CADPS: variants seen among roughly 807,000 people sequenced by gnomAD.
CADPS encodes the protein calcium dependent secretion activator, also known as calcium-dependent secretion activator 1.
Under a neutral mutation model 167.3 loss-of-function variants are expected in CADPS, and 57 were observed. The ratio of observed to expected loss-of-function variants is 0.34; its 90% CI spans 0.28 to 0.42. The LOEUF is 0.42. Among genes scored for constraint, CADPS ranks in the 20% least tolerant of loss-of-function variants. The pLI, the probability that CADPS is intolerant of heterozygous loss-of-function variation, is 1.00. For missense variants in CADPS, 1,414 were observed against 1,738.1 expected (o/e 0.81, Z 3.32); for synonymous variants, 676 against 635.3 (o/e 1.06, Z -0.96).
intron 6 of CADPS, among the ~76,000 whole-genome samples, chr3:62,628,675 G>A (rs1267199919): frequency 2.7e-5 from 4 of 148,142 alleles, no homozygotes; most frequent in Non-Finnish European, 4.4e-5. Context: ...TCACCAGGCT[G>A]TAGTGCAGTA....
At chr3:62,612,460 G>GTGT (rs1364101535) in intron 6 of CADPS, among the ~76,000 whole-genome samples, 1 of 152,220 alleles carries the variant, frequency 6.6e-6, no homozygotes, top group Non-Finnish European at 1.5e-5. Context: ...CTCTACCAGA[G>GTGT]TGTTGCCACT....
intron 3 of CADPS, among the ~76,000 whole-genome samples, chr3:62,730,904 A>G (rs570094659): frequency 6.6e-6 from 1 of 152,242 alleles, no homozygotes; most frequent in Non-Finnish European, 1.5e-5. Flanking sequence ...TGACAGTCCA[A>G]TAACTGTTAG....
intron 3 of CADPS, among the ~76,000 whole-genome samples, chr3:62,662,794 T>C (rs1295551076): frequency 2.0e-5 from 3 of 152,156 alleles, no homozygotes; most frequent in African/African-American, 4.8e-5. Context: ...ATATCCCCAG[T>C]GCACACATGG....
At chr3:62,558,487 G>C (rs1465568009) in intron 9 of CADPS, among the ~76,000 whole-genome samples, 2 of 152,256 alleles carry the variant, frequency 1.3e-5, no homozygotes, top group Non-Finnish European at 2.9e-5. Flanking sequence ...AAATGTCTTA[G>C]AGAAGGAGTG....
At chr3:62,540,058 A>G (rs1295435074) in intron 11 of CADPS, among the ~76,000 whole-genome samples, 1 of 152,212 alleles carries the variant, frequency 6.6e-6, no homozygotes, top group Non-Finnish European at 1.5e-5. Flanking sequence ...TAAGGGCTCA[A>G]TAAACATTAG....
intron 2 of CADPS, among the ~76,000 whole-genome samples, chr3:62,759,353 T>C (rs948550451): frequency 6.6e-6 from 1 of 152,184 alleles, no homozygotes; most frequent in Non-Finnish European, 1.5e-5. Flanking sequence ...AAGTTAGCTG[T>C]TATTTTTAAA....
At chr3:62,691,029 C>T (rs188684503) in intron 3 of CADPS, among the ~76,000 whole-genome samples, 4 of 152,098 alleles carry the variant, frequency 2.6e-5, no homozygotes, top group South Asian at 4.2e-4. Context: ...GAAAAGATGT[C>T]GAGGAAGCTT....
rs747913353 is a variant in CADPS at position 62,478,277 on chromosome 3, C to T, written c.3313G>A (p.Glu1105Lys). The change falls in exon 23 of 30, where the codon GAA (glutamate) becomes AAA (lysine). Residue 1105 changes from glutamate (E) to lysine (K), a missense_variant. Physicochemically the swap from Glu to Lys is moderately conservative, Grantham distance 56 (BLOSUM62 1). Around this residue, in one of 6 missense-constraint regions of CADPS, gnomAD observed 529 missense variants for 629.6 expected, o/e 0.84. Coordinates refer to ENST00000383710, the MANE Select transcript of CADPS (RefSeq NM_003716.4). The surrounding 1 kb of genome is among the most constrained non-coding windows in gnomAD (Gnocchi z 5.7). ...RLKLMASDMIESCVKRTRIAF... is the reference protein window; with the variant it reads ...RLKLMASDMIKSCVKRTRIAF... ...TATACTTACCTTTTGACACAAGATT[C>T]GATCATGTCACTTGCCATCAACTTC... is the stretch of plus-strand genomic sequence containing the variant. 6.8e-6 allele frequency: 11 copies of T among 1,613,610 alleles called. No individual in the cohort carries two copies. Among genetic ancestry groups the T allele is most frequent in the Admixed American group, 1.7e-5 (1 of 59,986 alleles).
chr3:62,551,534 C>G (rs1429644362), intron 10 of CADPS, among the ~76,000 whole-genome samples: 1 of 152,174 alleles, frequency 6.6e-6, no homozygotes. Context: ...GCACTAGAGT[C>G]AGGTCCTGTC....
intron 6 of CADPS, among the ~76,000 whole-genome samples, chr3:62,599,879 A>T (rs1203847956): frequency 1.8e-5 from 1 of 55,580 alleles, no homozygotes; most frequent in Non-Finnish European, 3.0e-5. Context: ...ATAATATATA[A>T]TATATATATA....
intron 5 of CADPS, among the ~76,000 whole-genome samples, chr3:62,647,681 A>G (rs1025580832): frequency 1.3e-5 from 2 of 152,186 alleles, no homozygotes; most frequent in African/African-American, 4.8e-5. Flanking sequence ...ATTGGGAAGA[A>G]CCATATAAAT....
chr3:62,530,314 G>A (rs1029697144), intron 13 of CADPS, among the ~76,000 whole-genome samples: 2 of 152,026 alleles, frequency 1.3e-5, no homozygotes, highest in Non-Finnish European at 2.9e-5. Context: ...TAAAGCATGG[G>A]TTGCTTATTA....
At chr3:62,590,736 T>G (rs562449681) in intron 7 of CADPS, among the ~76,000 whole-genome samples, 4 of 152,254 alleles carry the variant, frequency 2.6e-5, no homozygotes, top group African/African-American at 9.6e-5. Flanking sequence ...GGTCTCTCAT[T>G]ATGCTATAGA....
chr3:62,650,054 CTT>C (rs1230489356), intron 5 of CADPS, among the ~76,000 whole-genome samples: 7 of 152,180 alleles, frequency 4.6e-5, no homozygotes, highest in African/African-American at 1.7e-4. Flanking sequence ...ACAGTCAAAT[CTT>C]TGTGCAGACA....
At position 62,458,933 on chromosome 3, in the gene CADPS, T is replaced by A. The variant is rs1011269494; in HGVS notation, c.3636+6434A>T. ...TAGTTAACTTTGGATACTTATCTTT[T>A]CTCTTCTGTAAAGCTTCTGAAGGGT... On this transcript the variant is annotated intron_variant, in intron 26 of 29. Coordinates refer to ENST00000383710, the MANE Select transcript of CADPS (RefSeq NM_003716.4). The surrounding 1 kb of genome is among the most constrained non-coding windows in gnomAD (Gnocchi z 4.6). Among the ~76,000 whole-genome samples the A allele has an allele frequency of 2.6e-5, 4 of 152,226 alleles. No individual in the cohort carries two copies. The highest frequency in any genetic ancestry group is 5.9e-5 in the Non-Finnish European group (4 of 68,038).
At chr3:62,724,971 C>T (rs770240426) in intron 3 of CADPS, among the ~76,000 whole-genome samples, 20 of 152,224 alleles carry the variant, frequency 1.3e-4, no homozygotes, top group Non-Finnish European at 1.6e-4. Context: ...GCATGTCTGA[C>T]TGTAGTGAGA....
chr3:62,556,080 C>T (rs1245483182), intron 10 of CADPS, among the ~76,000 whole-genome samples: 1 of 152,164 alleles, frequency 6.6e-6, no homozygotes, highest in African/African-American at 2.4e-5. Flanking sequence ...AGGACTGAAT[C>T]TATTTTTTTG....
At chr3:62,594,407 C>T (rs1466007992) in intron 6 of CADPS, among the ~76,000 whole-genome samples, 1 of 152,018 alleles carries the variant, frequency 6.6e-6, no homozygotes, top group Non-Finnish European at 1.5e-5. Flanking sequence ...GTGATCCGCC[C>T]GCCTCGGCCT....
chr3:62,425,328 C>T (rs1205154332), intron 28 of CADPS, among the ~76,000 whole-genome samples: 1 of 152,268 alleles, frequency 6.6e-6, no homozygotes, highest in South Asian at 2.1e-4. Flanking sequence ...CAGTAGCACC[C>T]TCCCGCCACC....
Sources: gnomAD v4.1 joint callset for allele counts (sites outside exome capture counted in the v4.1 genomes callset) on GRCh38, gnomAD v4.1.1 for gene constraint, gnomAD v4.1.1 regional missense constraint, Gnocchi (gnomAD v3.1) non-coding constraint, MANE v1.5 for transcripts, NCBI Gene and HGNC (gene_info 2026-07-23, HGNC 2026-07-21) for gene names.